Variants in MAP3K7CL observed in about 807,000 individuals in gnomAD.
MAP3K7CL encodes MAP3K7 C-terminal like.
MAP3K7CL carries 16 observed loss-of-function variants against 18.6 expected under a neutral mutation model. The observed-to-expected ratio is 0.86, with a 90% CI of 0.58 to 1.31. The LOEUF (loss-of-function observed/expected upper bound fraction) is 1.31, where lower values mean the gene tolerates loss of function less well. Ranked by LOEUF, MAP3K7CL falls within the 50% of genes most tolerant of loss-of-function variation. The pLI is 0.00. For synonymous variants in MAP3K7CL, 65 were observed against 66.8 expected, an observed-to-expected ratio of 0.97 and a Z score of 0.13; for missense variants, 163 against 174.4, an observed-to-expected ratio of 0.93 and a Z score of 0.37.
At chr21:29,078,769 T>C (rs2085789596) in intron 1 of MAP3K7CL, among the ~76,000 whole-genome samples, 1 of 152,172 alleles carries the variant, frequency 6.6e-6, no homozygotes, top group Admixed American at 6.5e-5. Context: ...CTGCCTTTTA[T>C]CTATGGAGTG....
chr21:29,128,296 T>A (rs999967468), upstream of MAP3K7CL: 4 of 150,168 alleles, frequency 2.7e-5, no homozygotes, highest in Non-Finnish European at 5.9e-5. Flanking sequence ...TCTAAAAAAT[T>A]TCAATTAAAT....
upstream of MAP3K7CL, among the ~76,000 whole-genome samples, chr21:29,126,551 C>T (rs984777237): frequency 1.1e-4 from 17 of 152,208 alleles, no homozygotes; most frequent in African/African-American, 3.6e-4. Context: ...CTTCACCTCC[C>T]GAGTTCAAGT....
chr21:29,119,996 C>T (rs569783942), intron 4 of MAP3K7CL, among the ~76,000 whole-genome samples: 1 of 152,228 alleles, frequency 6.6e-6, no homozygotes, highest in East Asian at 1.9e-4. Context: ...ATAGTTTGGT[C>T]AGATATGGAA....
intron 3 of MAP3K7CL, among the ~76,000 whole-genome samples, chr21:29,156,393 A>T (rs2087405264): frequency 6.6e-6 from 1 of 152,248 alleles, no homozygotes; most frequent in Non-Finnish European, 1.5e-5. Context: ...TGTGTTACAT[A>T]AACCCACGTA....
intron 1 of MAP3K7CL, among the ~76,000 whole-genome samples, chr21:29,132,284 G>T (rs1373110527): frequency 7.7e-6 from 1 of 129,972 alleles, no homozygotes; most frequent in Non-Finnish European, 1.6e-5. Flanking sequence ...CATTTTATCT[G>T]CAGGATGTTT....
upstream of MAP3K7CL, among the ~76,000 whole-genome samples, chr21:29,129,224 G>A (rs898328399): frequency 6.6e-5 from 10 of 152,142 alleles, no homozygotes; most frequent in African/African-American, 2.2e-4. Context: ...GGTTCACTCT[G>A]TGTTGTACAT....
rs950932890 is a variant in MAP3K7CL at position 29,108,938 on chromosome 21, T to C, written c.370+16357T>C. The stretch of plus-strand genomic sequence containing the variant: ...AAAATTAGTCAAAATGAGAAATGCA[T>C]GAATGCTTTGGTTACAGTCTTGAAG... On this transcript the variant is annotated intron_variant, in intron 4 of 6. Transcript: ENST00000286791. The C allele has an allele frequency of 3.4e-5, 35 of 1,033,130 alleles. No individual in the cohort carries two copies. The East Asian group carries it at 8.5e-4, about 25-fold the overall frequency. The allele number at this position is 1,033,130 out of a possible 1,614,324, so 64.0% of individuals were successfully genotyped here. A position where few individuals can be genotyped will look rare whatever the true frequency, so the allele number is the denominator to read the frequency against.
At chr21:29,144,221 G>C (rs1008747866) in intron 2 of MAP3K7CL, among the ~76,000 whole-genome samples, 1 of 151,030 alleles carries the variant, frequency 6.6e-6, no homozygotes, top group African/African-American at 2.4e-5. Flanking sequence ...GCTTGATCTT[G>C]GCTCACTGCA....
At chr21:29,089,847 A>G (rs570255392) in intron 1 of MAP3K7CL, among the ~76,000 whole-genome samples, 16 of 144,024 alleles carry the variant, frequency 1.1e-4, no homozygotes, top group Admixed American at 2.7e-4. Flanking sequence ...GAAGGAGGGA[A>G]GGATGAGAGG....
At chr21:29,172,012 G>A (rs911240641) in intron 4 of MAP3K7CL, among the ~76,000 whole-genome samples, 1 of 151,580 alleles carries the variant, frequency 6.6e-6, no homozygotes, top group Admixed American at 6.6e-5. Flanking sequence ...GCATATATGT[G>A]TGTCATCATG....
upstream of MAP3K7CL, among the ~76,000 whole-genome samples, chr21:29,083,904 A>AAT (rs762442620): frequency 6.7e-6 from 1 of 148,698 alleles, no homozygotes; most frequent in East Asian, 1.9e-4. Flanking sequence ...TTGTTTATGT[A>AAT]ATATATATAT....
chr21:29,120,672 T>C (rs199724498), intron 4 of MAP3K7CL, among the ~76,000 whole-genome samples: 1 of 43,030 alleles, frequency 2.3e-5, no homozygotes, highest in Non-Finnish European at 6.2e-5. Flanking sequence ...TTCTTTCTTT[T>C]TCTTTCTTTC....
At chr21:29,095,141 TAA>T (rs56280623) in intron 4 of MAP3K7CL, among the ~76,000 whole-genome samples, 282 of 135,950 alleles carry the variant, frequency 2.1e-3, no homozygotes, top group Admixed American at 2.5e-3. Context: ...CTCATTCATT[TAA>T]AAAAAAAAAA....
intron 3 of MAP3K7CL, among the ~76,000 whole-genome samples, chr21:29,152,205 G>T (rs76718758): frequency 0.043 from 6,551 of 152,268 alleles, 298 homozygotes; most frequent in East Asian, 0.14. Context: ...ACTCCAGGGC[G>T]TGAGTGACTA....
chr21:29,113,708 G>C (rs1206289833), intron 4 of MAP3K7CL, among the ~76,000 whole-genome samples: 1 of 152,138 alleles, frequency 6.6e-6, no homozygotes, highest in Non-Finnish European at 1.5e-5. Context: ...ATTTTTAGTA[G>C]AGATGGGGTT....
chr21:29,078,750 C>T lies in MAP3K7CL; in HGVS notation c.-49+1037C>T, dbSNP rs559423295. ...TGTTCATCTCCCTGTAAACCTCCCT[C>T]CCACTCTTCTGCCTTTTATCTATGG... On this transcript the variant is annotated intron_variant, in intron 1 of 7. Coordinates refer to the MAP3K7CL transcript ENST00000341618. 2.0e-5 allele frequency among the ~76,000 whole-genome samples: 3 copies of T among 152,282 alleles called. No homozygotes were observed. In the East Asian group the frequency reaches 5.8e-4, roughly 29 times the overall value.
At chr21:29,167,840 C>T (rs2087728691) in intron 4 of MAP3K7CL, among the ~76,000 whole-genome samples, 1 of 151,836 alleles carries the variant, frequency 6.6e-6, no homozygotes, top group South Asian at 2.1e-4. Context: ...GCTGGGACTA[C>T]AGGCGCCCGC....
At chr21:29,139,895 CT>C (rs5843369) in intron 2 of MAP3K7CL, among the ~76,000 whole-genome samples, 19,803 of 67,294 alleles carry the variant, frequency 0.29, 925 homozygotes, top group East Asian at 0.43. Flanking sequence ...CCATCTCTGG[CT>C]TTTTTTTTTT....
chr21:29,159,762 TTTTCAGTC>T (rs1401054407), intron 3 of MAP3K7CL, among the ~76,000 whole-genome samples, 171 bp from the exon 4 acceptor site: 1 of 152,004 alleles, frequency 6.6e-6, no homozygotes, highest in Non-Finnish European at 1.5e-5. Context: ...CACCTCTCTA[TTTTCAGTC>T]AAATAGAATC....
Sources: allele counts gnomAD v4.1 joint callset (sites outside exome capture counted in the v4.1 genomes callset), GRCh38; gene constraint gnomAD v4.1.1; transcripts MANE v1.5; gene names NCBI Gene and HGNC (gene_info 2026-07-23, HGNC 2026-07-21).